KNDC1: variants seen among roughly 807,000 people sequenced by gnomAD.
The protein encoded by KNDC1 is kinase non-catalytic C-lobe domain-containing protein 1.
A neutral mutation model predicts 172.8 loss-of-function variants in KNDC1; 106 were observed. The ratio of observed to expected loss-of-function variants is 0.61; its 90% CI spans 0.52 to 0.72. The LOEUF is 0.72. Ranked by LOEUF, KNDC1 falls within the 30% of genes least tolerant of loss-of-function variation. The pLI is 0.00. For synonymous variants in KNDC1, 1,083 were observed against 1,062.2 expected, an observed-to-expected ratio of 1.02 and a Z score of -0.38; for missense variants, 2,325 against 2,394.5, an observed-to-expected ratio of 0.97 and a Z score of 0.61.
Position 133,183,473 on chromosome 10 carries a change from G to T in KNDC1, c.490G>T (p.Asp164Tyr), listed in dbSNP as rs1364114945. 2.5e-6 allele frequency: 4 copies of T among 1,603,330 alleles called. No homozygotes were observed. The highest frequency in any genetic ancestry group is 2.2e-4 in the Middle Eastern group (1 of 4,602). ...LSRMQAEDPGDRPDLESIIAL... is the reference protein window; with the variant it reads ...LSRMQAEDPGYRPDLESIIAL... ...CCGGATGCAGGCGGAGGACCCCGGG[G>T]ACCGGCCGGACCTTGAGGTAAGCGA... is the stretch of plus-strand genomic sequence containing the variant. The change falls in exon 4 of 30, where the codon GAC (aspartate) becomes TAC (tyrosine). Residue 164 changes from aspartate to tyrosine, a missense_variant. Coordinates refer to ENST00000304613, the MANE Select transcript of KNDC1 (RefSeq NM_152643.8).
chr10:133,172,574 C>G (rs930116695), intron 3 of KNDC1, among the ~76,000 whole-genome samples: 1 of 152,168 alleles, frequency 6.6e-6, no homozygotes, highest in African/African-American at 2.4e-5. Context: ...AGCAGCACCC[C>G]CTCCCTTTCT....
intron 11 of KNDC1, 104 bp downstream of exon 11, chr10:133,197,239 G>A (rs970507805): frequency 3.0e-5 from 26 of 868,746 alleles, no homozygotes; most frequent in Non-Finnish European, 4.1e-5. Flanking sequence ...CCCACACCCC[G>A]GTCTCTGTTG....
At chr10:133,183,597 A>C in intron 4 of KNDC1, 107 bp downstream of exon 4, 1 of 1,256,164 alleles carries the variant, frequency 8.0e-7, no homozygotes, top group Non-Finnish European at 1.1e-6. Flanking sequence ...TGGGTTCCGC[A>C]ACCACAGTCT....
At chr10:133,187,499 C>T (rs751159361) in intron 6 of KNDC1, among the ~76,000 whole-genome samples, 74 of 152,346 alleles carry the variant, frequency 4.9e-4, no homozygotes, top group Non-Finnish European at 9.1e-4. Context: ...GCGCCTGGCC[C>T]GGGGACGGGG....
intron 3 of KNDC1, among the ~76,000 whole-genome samples, chr10:133,178,532 C>T (rs74164112): frequency 0.03 from 4,490 of 152,170 alleles, 199 homozygotes; most frequent in African/African-American, 0.1. Flanking sequence ...CGCTCGGAAA[C>T]GTTCAAGCCA....
chr10:133,194,334 TA>T (rs1475821066), intron 9 of KNDC1, among the ~76,000 whole-genome samples: 4 of 152,188 alleles, frequency 2.6e-5, no homozygotes, highest in Non-Finnish European at 4.4e-5. Context: ...AAGGAAATTT[TA>T]AAAACATATA....
chr10:133,200,364 CTCG>C lies in KNDC1; in HGVS notation c.2904-5_2904-3del. The C allele has an allele frequency of 6.3e-7, 1 of 1,576,410 alleles. No homozygotes were observed. Among genetic ancestry groups the C allele is most frequent in the Non-Finnish European group, 8.6e-7 (1 of 1,162,548 alleles). On this transcript the variant is annotated splice_polypyrimidine_tract_variant and splice_region_variant and intron_variant, in intron 15 of 29. Transcript: ENST00000304613. ...GCGGAGGTGGGGACTGACCTGCATTCTCGTCGTCAGCACGGCCGAGGAGGCTGG... is the reference window on the plus strand; with the variant it reads ...GCGGAGGTGGGGACTGACCTGCATTCTCGTCAGCACGGCCGAGGAGGCTGG...
chr10:133,184,825 G>T (rs547082746), intron 5 of KNDC1, among the ~76,000 whole-genome samples: 1 of 152,276 alleles, frequency 6.6e-6, no homozygotes, highest in East Asian at 1.9e-4. Flanking sequence ...AGGCATCTGG[G>T]TGTTAGTCTC....
chr10:133,167,466 G>T lies in KNDC1; in HGVS notation c.188G>T (p.Ser63Ile). Residue 63 changes from serine to isoleucine, a missense_variant, in exon 2 of 30, where the codon AGC (serine) becomes ATC (isoleucine). Ser to Ile is a moderately radical substitution (Grantham distance 142, BLOSUM62 -2). Coordinates refer to ENST00000304613, the MANE Select transcript of KNDC1 (RefSeq NM_152643.8). The part of the protein sequence containing the change: ...QEAWAVCLEC[S>I]LSMRSVAHAA... ...GCCTGGGCCGTGTGCCTGGAGTGCA[G>T]CCTGTCCATGCGGAGCGTGGCCCAC... 1 of 1,606,506 alleles carries T rather than the reference G, an allele frequency of 6.2e-7. No individual in the cohort carries two copies. The highest frequency in any genetic ancestry group is 8.5e-7 in the Non-Finnish European group (1 of 1,177,488).
Position 133,212,760 on chromosome 10 carries a change from G to T in KNDC1, c.4281G>T (p.Pro1427=). The change falls in exon 24 of 30, where the codon CCG becomes CCT. Residue 1427 remains proline (P), a synonymous_variant. Coordinates refer to ENST00000304613, the MANE Select transcript of KNDC1 (RefSeq NM_152643.8). ...RLPRGNGLVL[P]PHKERPYTIA... ...CCCGAGGCAACGGGCTGGTGCTGCC[G>T]CCACACAAGGAGCGCCCCTACACCA... 1 of 1,613,696 alleles carries T rather than the reference G, an allele frequency of 6.2e-7. No homozygotes were observed. The highest frequency in any genetic ancestry group is 8.5e-7 in the Non-Finnish European group (1 of 1,179,882).
rs2136025778 is a variant in KNDC1 at position 133,213,957 on chromosome 10, A to G, written c.4527-15A>G. ...ACAAGTCCTGGGGGTGACAGGGACC[A>G]TATTTCTCTTCCAGAGCCAGCTCTT... On this transcript the variant is annotated splice_polypyrimidine_tract_variant and intron_variant, in intron 25 of 29. Transcript: ENST00000304613. 1 of 1,614,028 alleles carries G rather than the reference A, an allele frequency of 6.2e-7. No homozygotes were observed. Among genetic ancestry groups the G allele is most frequent in the Non-Finnish European group, 8.5e-7 (1 of 1,179,916 alleles).
In KNDC1 at chr10:133,219,990, AGGGCG is replaced by A. The variant is rs1845548866; in HGVS notation, c.4898_4902del (p.Gly1633AlafsTer87). 1 of 1,553,202 alleles carries A rather than the reference AGGGCG, an allele frequency of 6.4e-7. No individual in the cohort carries two copies. Among genetic ancestry groups the A allele is most frequent in the Admixed American group, 2.0e-5 (1 of 51,160 alleles). ...AGAGCGACAGCCTGTGTCTGATGGA[AGGGCG>A]GCGCTTCCGGGCGCAGCCCACCCTG... On this transcript the variant is annotated frameshift_variant, in exon 29 of 30. Transcript: ENST00000304613. LOFTEE classifies it high-confidence loss of function.
intron 26 of KNDC1, among the ~76,000 whole-genome samples, chr10:133,217,143 A>G (rs1845483290): frequency 6.6e-6 from 1 of 152,292 alleles, no homozygotes; most frequent in African/African-American, 2.4e-5. Context: ...CACTCAGAAA[A>G]GGCTACAAAG....
chr10:133,180,422 A>C (rs1247561541), intron 3 of KNDC1, among the ~76,000 whole-genome samples: 1 of 152,274 alleles, frequency 6.6e-6, no homozygotes, highest in South Asian at 2.1e-4. Flanking sequence ...CTGCAAGGAT[A>C]GCGTCTCAGG....
intron 19 of KNDC1, 36 bp downstream of exon 19, chr10:133,206,989 G>A: frequency 3.1e-6 from 5 of 1,591,974 alleles, no homozygotes; most frequent in Non-Finnish European, 4.3e-6. Flanking sequence ...GCCCCGTGAG[G>A]CAGTAGCTTC....
At chr10:133,176,322 C>T (rs1489534733) in intron 3 of KNDC1, among the ~76,000 whole-genome samples, 2 of 151,716 alleles carry the variant, frequency 1.3e-5, no homozygotes, top group Admixed American at 6.6e-5. Flanking sequence ...GATGGGTGGA[C>T]GGATGGGTTC....
At chr10:133,196,391 T>C (rs1854192348) in intron 10 of KNDC1, among the ~76,000 whole-genome samples, 1 of 152,096 alleles carries the variant, frequency 6.6e-6, no homozygotes, top group Non-Finnish European at 1.5e-5. Flanking sequence ...AACTCTCATG[T>C]GTCAGTGATC....
intron 20 of KNDC1, 94 bp downstream of exon 20, chr10:133,207,445 G>A (rs1845237127): frequency 8.5e-7 from 1 of 1,178,810 alleles, no homozygotes; most frequent in Non-Finnish European, 1.2e-6. Context: ...AGCTAGGCTG[G>A]GTTTGCACTT....
At chr10:133,218,615 ATTTTG>A (rs1170605267) in intron 26 of KNDC1, among the ~76,000 whole-genome samples, 2 of 151,860 alleles carry the variant, frequency 1.3e-5, no homozygotes, top group East Asian at 1.9e-4. Flanking sequence ...CTTTGCTTTT[ATTTTG>A]TTTTATTTCA....
Sources: gnomAD v4.1 joint callset for allele counts (sites outside exome capture counted in the v4.1 genomes callset) on GRCh38, gnomAD v4.1.1 for gene constraint, MANE v1.5 for transcripts, NCBI Gene and HGNC (gene_info 2026-07-23, HGNC 2026-07-21) for gene names.